The following ADARB2 variants were observed in gnomAD, a reference collection of about 807,000 sequenced individuals.
ADARB2 encodes inactive double-stranded RNA-specific editase B2.
A neutral mutation model predicts 62.2 loss-of-function variants in ADARB2; 25 were observed. That is an observed-to-expected ratio of 0.40 (90% CI 0.29 to 0.56). The LOEUF (loss-of-function observed/expected upper bound fraction) is 0.56, where lower values mean the gene tolerates loss of function less well. Among genes scored for constraint, ADARB2 ranks in the 20% least tolerant of loss-of-function variants. The pLI is 0.43. For synonymous variants in ADARB2, 572 were observed against 500.8 expected, an observed-to-expected ratio of 1.14 and a Z score of -1.90; for missense variants, 1,071 against 1,077.4, an observed-to-expected ratio of 0.99 and a Z score of 0.08.
At position 1,614,859 on chromosome 10, in the gene ADARB2, T is replaced by C. The variant is rs1293897066; in HGVS notation, c.100+122192A>G. 4.6e-5 allele frequency among the ~76,000 whole-genome samples: 7 copies of C among 151,456 alleles called. No individual in the cohort carries two copies. In the East Asian group the frequency reaches 1.4e-3, roughly 29 times the overall value. On this transcript the variant is annotated intron_variant, in intron 1 of 9. Coordinates refer to ENST00000381312, the MANE Select transcript of ADARB2 (RefSeq NM_018702.4). ...CTGGGAGGCGGAGCTTGCAGTGAGC[T>C]GAGATCGCGCCAGTGCACTCCAGTA... is the stretch of plus-strand genomic sequence containing the variant.
At chr10:1,468,514 T>C (rs954961298) in intron 1 of ADARB2, among the ~76,000 whole-genome samples, 2 of 152,202 alleles carry the variant, frequency 1.3e-5, no homozygotes, top group African/African-American at 4.8e-5. Flanking sequence ...ATCTCACAGG[T>C]CACAGTGTTA....
chr10:1,211,754 A>T (rs1422386645), intron 7 of ADARB2, among the ~76,000 whole-genome samples: 2 of 152,182 alleles, frequency 1.3e-5, no homozygotes, highest in Non-Finnish European at 2.9e-5. Flanking sequence ...AGGGGTTTGG[A>T]AAACAGCAGG....
chr10:1,470,362 C>T (rs1831305381), intron 1 of ADARB2, among the ~76,000 whole-genome samples: 1 of 152,258 alleles, frequency 6.6e-6, no homozygotes, highest in Non-Finnish European at 1.5e-5. Flanking sequence ...CACAGCATAT[C>T]CTTCGCTAAG....
intron 3 of ADARB2, among the ~76,000 whole-genome samples, chr10:1,295,119 A>G (rs963738168): frequency 1.3e-5 from 2 of 152,180 alleles, no homozygotes; most frequent in African/African-American, 4.8e-5. Flanking sequence ...TGTTCCAGGA[A>G]GGCCAGGACA....
intron 3 of ADARB2, among the ~76,000 whole-genome samples, chr10:1,347,203 G>A (rs1007405821): frequency 5.3e-5 from 8 of 152,298 alleles, no homozygotes; most frequent in South Asian, 4.1e-4. Context: ...AGAGGAGCTC[G>A]TCTGGATTTT....
At chr10:1,463,629 C>G (rs182611480) in intron 1 of ADARB2, among the ~76,000 whole-genome samples, 3 of 152,330 alleles carry the variant, frequency 2.0e-5, no homozygotes, top group Admixed American at 6.5e-5. Flanking sequence ...ATGATTCTGT[C>G]TCAACTTGTG....
chr10:1,456,355 A>G (rs1035189800), intron 1 of ADARB2, among the ~76,000 whole-genome samples: 1 of 152,140 alleles, frequency 6.6e-6, no homozygotes, highest in Non-Finnish European at 1.5e-5. Flanking sequence ...CCTTCTCAAC[A>G]CCAGCAACGG....
chr10:1,523,294 C>T (rs983252118), intron 1 of ADARB2, among the ~76,000 whole-genome samples: 3 of 152,050 alleles, frequency 2.0e-5, no homozygotes, highest in Non-Finnish European at 4.4e-5. Flanking sequence ...ATATTTTATC[C>T]GAACATTAGA....
chr10:1,562,939 A>T (rs1832805514), intron 1 of ADARB2, among the ~76,000 whole-genome samples: 1 of 152,176 alleles, frequency 6.6e-6, no homozygotes, highest in Admixed American at 6.5e-5. Flanking sequence ...CCTTCAACAA[A>T]TGTTTCCTTA....
In ADARB2 at chr10:1,466,434, G is replaced by A. The variant is rs182288495; in HGVS notation, c.101-87274C>T. ...AGGGTCTTCACAAGGCCCCATCCAA[G>A]TATCTCCAGGATGTGGGCAGCTCTC... On this transcript the variant is annotated intron_variant, in intron 1 of 9. Coordinates refer to ENST00000381312, the MANE Select transcript of ADARB2 (RefSeq NM_018702.4). Among the ~76,000 whole-genome samples the A allele has an allele frequency of 9.2e-3, 1,405 of 152,308 alleles. 17 individuals are homozygous for A. The highest frequency in any genetic ancestry group is 0.032 in the African/African-American group (1,332 of 41,572).
chr10:1,597,397 T>G (rs1235939684), intron 1 of ADARB2, among the ~76,000 whole-genome samples: 1 of 152,108 alleles, frequency 6.6e-6, no homozygotes, highest in African/African-American at 2.4e-5. Context: ...ATACCCAGAA[T>G]CTACAAGGAG....
At chr10:1,428,534 G>T (rs566956348) in intron 1 of ADARB2, among the ~76,000 whole-genome samples, 1 of 151,962 alleles carries the variant, frequency 6.6e-6, no homozygotes, top group African/African-American at 2.4e-5. Flanking sequence ...TGATCCGCCC[G>T]CCTCTGCCTC....
At chr10:1,293,626 T>G (rs1000328586) in intron 3 of ADARB2, among the ~76,000 whole-genome samples, 18 of 152,306 alleles carry the variant, frequency 1.2e-4, no homozygotes, top group African/African-American at 4.1e-4. Flanking sequence ...CTAATTTATT[T>G]TTTGTTTATC....
chr10:1,384,400 A>G (rs532140199), intron 1 of ADARB2, among the ~76,000 whole-genome samples: 7 of 152,182 alleles, frequency 4.6e-5, no homozygotes, highest in Non-Finnish European at 1.0e-4. Context: ...AGAAGACAGG[A>G]GTGTGTGAAG....
chr10:1,288,709 G>A (rs1831436419), intron 3 of ADARB2, among the ~76,000 whole-genome samples: 1 of 152,216 alleles, frequency 6.6e-6, no homozygotes, highest in Admixed American at 6.5e-5. Context: ...GTAGGAGAAT[G>A]ACCCCCAAAC....
intron 1 of ADARB2, among the ~76,000 whole-genome samples, chr10:1,694,228 A>G (rs1834709305): frequency 6.6e-6 from 1 of 152,204 alleles, no homozygotes; most frequent in Non-Finnish European, 1.5e-5. Context: ...CTCTACACAG[A>G]AATATTGATT....
At chr10:1,637,758 C>T (rs1473343066) in intron 1 of ADARB2, among the ~76,000 whole-genome samples, 4 of 152,308 alleles carry the variant, frequency 2.6e-5, no homozygotes, top group East Asian at 1.9e-4. Flanking sequence ...TAATTTGCCT[C>T]GTCACCAAGT....
chr10:1,704,506 G>T lies in ADARB2; in HGVS notation c.100+32545C>A, dbSNP rs1453128116. Reference sequence around the variant, plus strand: ...CCACTGTGACCTGACAGAAGGCAGAGCTCAGACATAATGTGAGTGGCAGAG... The same window carrying T: ...CCACTGTGACCTGACAGAAGGCAGATCTCAGACATAATGTGAGTGGCAGAG... On this transcript the variant is annotated intron_variant, in intron 1 of 9. Coordinates refer to ENST00000381312, the MANE Select transcript of ADARB2 (RefSeq NM_018702.4). This position sits in a 1 kb window ranked among gnomAD's most constrained non-coding sequence, Gnocchi z 5.6. Among the ~76,000 whole-genome samples, 1 of 152,198 alleles carries T rather than the reference G, an allele frequency of 6.6e-6. No individual in the cohort carries two copies. The highest frequency in any genetic ancestry group is 2.4e-5 in the African/African-American group (1 of 41,450).
At chr10:1,324,205 T>G (rs865858520) in intron 3 of ADARB2, among the ~76,000 whole-genome samples, 1 of 152,232 alleles carries the variant, frequency 6.6e-6, no homozygotes, top group South Asian at 2.1e-4. Context: ...AGGTACCATA[T>G]GAGTCCACAC....
Sources: allele counts gnomAD v4.1 joint callset (sites outside exome capture counted in the v4.1 genomes callset), GRCh38; gene constraint gnomAD v4.1.1; non-coding constraint Gnocchi (gnomAD v3.1); transcripts MANE v1.5; gene names NCBI Gene and HGNC (gene_info 2026-07-23, HGNC 2026-07-21).